Variants in UBXN8 observed in about 807,000 individuals in gnomAD.
UBXN8 encodes the protein UBX domain-containing protein 8.
UBXN8 carries 27 observed loss-of-function variants against 32.1 expected under a neutral mutation model. That is an observed-to-expected ratio of 0.84 (90% CI 0.62 to 1.16). UBXN8 has a LOEUF of 1.16. Among genes scored for constraint, UBXN8 ranks in the 50% most tolerant of loss-of-function variants. The pLI is 0.00. For missense variants in UBXN8, 306 were observed against 311.4 expected (o/e 0.98, Z 0.13); for synonymous variants, 109 against 111.8 (o/e 0.98, Z 0.16).
upstream of UBXN8, among the ~76,000 whole-genome samples, chr8:30,741,167 C>T (rs1472106391): frequency 6.6e-6 from 1 of 152,150 alleles, no homozygotes; most frequent in African/African-American, 2.4e-5. Flanking sequence ...TGGCAGATTG[C>T]TCGAGCCCAG....
Position 30,747,869 on chromosome 8 carries a change from T to G in UBXN8, c.89-3527T>G, listed in dbSNP as rs564294297. 9.0e-4 allele frequency among the ~76,000 whole-genome samples: 120 copies of G among 134,070 alleles called. 13 individuals are homozygous for G. The South Asian group carries it at 0.013, about 14-fold the overall frequency. 88.0% of individuals were successfully genotyped at this position (134,070 alleles called of 152,430 possible). ...ATCCCAGCACTTTGGGAGGCCAAGT[T>G]TTCTTTTTTTAATATATATTTTTTC... is the stretch of plus-strand genomic sequence containing the variant. On this transcript the variant is annotated intron_variant, in intron 1 of 7. Coordinates refer to ENST00000265616, the MANE Select transcript of UBXN8 (RefSeq NM_005671.4).
intron 6 of UBXN8, 110 bp downstream of exon 6, chr8:30,761,039 A>G (rs2128756379): frequency 1.4e-6 from 1 of 728,652 alleles, no homozygotes; most frequent in East Asian, 2.9e-5. Context: ...TGATAGCATA[A>G]GTGTTCATGT....
chr8:30,732,304 C>A, upstream of UBXN8: 1 of 398,320 alleles, frequency 2.5e-6, no homozygotes, highest in Non-Finnish European at 4.4e-6. Context: ...AGATGCTCTA[C>A]TCCGGCACCT....
chr8:30,743,908 C>CCCTG (rs1805277787), upstream of UBXN8, among the ~76,000 whole-genome samples: 1 of 152,206 alleles, frequency 6.6e-6, no homozygotes, highest in Admixed American at 6.5e-5. Context: ...AAGGGGCAGC[C>CCCTG]CCTGCCCTGC....
intron 1 of UBXN8, among the ~76,000 whole-genome samples, chr8:30,748,776 G>A (rs1805430144): frequency 6.6e-6 from 1 of 152,010 alleles, no homozygotes; most frequent in Admixed American, 6.6e-5. Flanking sequence ...CCTGACCTCA[G>A]GTGATCCACC....
At chr8:30,736,791 G>C (rs1401429314) in intron 1 of UBXN8, among the ~76,000 whole-genome samples, 1 of 152,038 alleles carries the variant, frequency 6.6e-6, no homozygotes, top group African/African-American at 2.4e-5. Flanking sequence ...TTTTTGAATT[G>C]TATTTTGCAA....
chr8:30,746,291 AT>A (rs964075549), intron 1 of UBXN8, among the ~76,000 whole-genome samples: 3 of 148,968 alleles, frequency 2.0e-5, no homozygotes, highest in African/African-American at 7.4e-5. Flanking sequence ...TTTAATATAT[AT>A]TTTTTCCTTT....
At chr8:30,731,684 A>C (rs529701166), upstream of UBXN8, among the ~76,000 whole-genome samples, 65 of 152,188 alleles carry the variant, frequency 4.3e-4, no homozygotes, top group Non-Finnish European at 8.4e-4. Context: ...GGCGGAAGAC[A>C]ACCTCCAGGG....
chr8:30,755,760 G>GAAAAAA (rs34287599), intron 4 of UBXN8, among the ~76,000 whole-genome samples: 7 of 88,904 alleles, frequency 7.9e-5, no homozygotes, highest in African/African-American at 1.0e-4. Flanking sequence ...CCTTTCTCCA[G>GAAAAAA]AAAAAAAAAA....
upstream of UBXN8, among the ~76,000 whole-genome samples, chr8:30,729,207 T>G (rs528183479): frequency 3.3e-5 from 5 of 152,368 alleles, no homozygotes; most frequent in Admixed American, 2.0e-4. Context: ...ACGCGGATCC[T>G]GCGAGCGCTC....
rs1806007178 is a variant in UBXN8, at chr8:30,766,357, CTG to C, written c.778_779del (p.Val260ThrfsTer27). ...GAGGACATAGGAATAACTGTGGACA[CTG>C]TACTCATCCTGGAGGAGAAGGAGCA... On this transcript the variant is annotated frameshift_variant, in exon 8 of 8. Coordinates refer to ENST00000265616, the MANE Select transcript of UBXN8 (RefSeq NM_005671.4). LOFTEE classifies it high-confidence loss of function. 3 of 1,612,544 alleles carry C rather than the reference CTG, an allele frequency of 1.9e-6. No individual in the cohort carries two copies. In the East Asian group the frequency reaches 6.7e-5, roughly 36 times the overall value.
At chr8:30,752,960 T>C (rs1805553068) in intron 2 of UBXN8, 75 bp from the exon 3 acceptor site, 5 of 1,426,138 alleles carry the variant, frequency 3.5e-6, no homozygotes, top group Non-Finnish European at 4.6e-6. Flanking sequence ...TTTCTTTTGA[T>C]ACATTATTTG....
rs1255411995 is a variant in UBXN8, at chr8:30,744,199, C to T, written c.10C>T (p.Arg4Cys). The T allele has an allele frequency of 1.8e-5, 29 of 1,613,284 alleles. No individual in the cohort carries two copies. The highest frequency in any genetic ancestry group is 2.3e-5 in the Non-Finnish European group (27 of 1,179,708). MAS[R>C]GVVGIFFLSA... ...AGGCGCTTCCGCCACCATGGCTTCACGTGGGGTTGTTGGCATTTTCTTCCT... is the reference window on the plus strand; with the variant it reads ...AGGCGCTTCCGCCACCATGGCTTCATGTGGGGTTGTTGGCATTTTCTTCCT... The change falls in exon 1 of 8, where the codon CGT becomes TGT. Residue 4 changes from arginine (R) to cysteine (C), a missense_variant. Transcript: ENST00000265616.
intron 1 of UBXN8, among the ~76,000 whole-genome samples, chr8:30,744,793 G>T (rs1486057839): frequency 2.6e-5 from 4 of 152,180 alleles, no homozygotes; most frequent in African/African-American, 9.7e-5. Flanking sequence ...GGGAAGGGAT[G>T]GGGGAGGGGA....
chr8:30,744,179 C>G lies in UBXN8; in HGVS notation c.-11C>G. On this transcript the variant is annotated 5_prime_UTR_variant, in exon 1 of 8. Transcript: ENST00000265616. ...GCGGGCTTTCCGCCTGCACCAGGCG[C>G]TTCCGCCACCATGGCTTCACGTGGG... 2 of 1,611,352 alleles carry G rather than the reference C, an allele frequency of 1.2e-6. No individual in the cohort carries two copies. The highest frequency in any genetic ancestry group is 1.7e-6 in the Non-Finnish European group (2 of 1,178,854).
At chr8:30,754,341 A>G in intron 3 of UBXN8, 1 of 425,696 alleles carries the variant, frequency 2.3e-6, no homozygotes, top group South Asian at 1.9e-5. Context: ...AAATCCTTGG[A>G]GTTGCCATAC....
chr8:30,743,116 G>A (rs1337643998), upstream of UBXN8, among the ~76,000 whole-genome samples: 1 of 151,880 alleles, frequency 6.6e-6, no homozygotes, highest in Non-Finnish European at 1.5e-5. Context: ...GATTACAGGC[G>A]TGAGCCACCG....
At chr8:30,732,365 C>G (rs1276869384), upstream of UBXN8, 1 of 397,506 alleles carries the variant, frequency 2.5e-6, no homozygotes, top group African/African-American at 2.1e-5. Flanking sequence ...GATCTGCCAA[C>G]AGCAGGTACG....
intron 6 of UBXN8, among the ~76,000 whole-genome samples, chr8:30,761,759 C>T (rs1805838253): frequency 6.6e-6 from 1 of 151,870 alleles, no homozygotes; most frequent in Admixed American, 6.6e-5. Context: ...CTTCAAATTG[C>T]AGTTCTCCTT....
Sources: allele counts gnomAD v4.1 joint callset (sites outside exome capture counted in the v4.1 genomes callset), GRCh38; gene constraint gnomAD v4.1.1; transcripts MANE v1.5; gene names NCBI Gene and HGNC (gene_info 2026-07-23, HGNC 2026-07-21).